Variants in SLC9A9 observed in about 807,000 individuals in gnomAD.
SLC9A9 encodes the protein solute carrier family 9 member A9, also known as sodium/hydrogen exchanger 9.
SLC9A9 carries 62 observed loss-of-function variants against 77.8 expected under a neutral mutation model. That is an observed-to-expected ratio of 0.80 (90% confidence interval 0.65 to 0.98). The LOEUF (loss-of-function observed/expected upper bound fraction) is 0.98, where lower values mean the gene tolerates loss of function less well. Among genes scored for constraint, SLC9A9 ranks in the 50% least tolerant of loss-of-function variants. The probability of loss-of-function intolerance (pLI) is 0.00; values close to 1 mark genes in which losing one functional copy is unlikely to be tolerated. For missense variants in SLC9A9, 775 were observed against 774.9 expected, an observed-to-expected ratio of 1.00 and a Z score of 0.00; for synonymous variants, 320 against 283.5, an observed-to-expected ratio of 1.13 and a Z score of -1.29.
chr3:143,316,624 C>T (rs1559864657), intron 14 of SLC9A9, among the ~76,000 whole-genome samples: 1 of 152,050 alleles, frequency 6.6e-6, no homozygotes, highest in African/African-American at 2.4e-5. Context: ...TTCTTGGCCC[C>T]ATATCAGGCA....
chr3:143,415,580 C>T (rs962808267), intron 12 of SLC9A9, among the ~76,000 whole-genome samples: 4 of 152,154 alleles, frequency 2.6e-5, no homozygotes, highest in Non-Finnish European at 1.5e-5. Context: ...ATTTTAAGCC[C>T]ACTATTGAGA....
At chr3:143,476,605 G>A (rs1052449767) in intron 11 of SLC9A9, among the ~76,000 whole-genome samples, 2 of 152,242 alleles carry the variant, frequency 1.3e-5, no homozygotes, top group Admixed American at 6.5e-5. Context: ...CTTCAACAGA[G>A]AGTTTCAGGA....
intron 4 of SLC9A9, among the ~76,000 whole-genome samples, chr3:143,715,434 C>G (rs1225359922): frequency 6.6e-6 from 1 of 152,198 alleles, no homozygotes; most frequent in East Asian, 1.9e-4. Flanking sequence ...TCAAGCATCA[C>G]TCTCTTAAGG....
intron 4 of SLC9A9, among the ~76,000 whole-genome samples, chr3:143,782,264 A>G (rs1013819046): frequency 1.3e-5 from 2 of 152,212 alleles, no homozygotes; most frequent in African/African-American, 4.8e-5. Context: ...ATCCTAAGTA[A>G]GGTATTAAAT....
intron 12 of SLC9A9, among the ~76,000 whole-genome samples, chr3:143,417,618 C>T (rs538320470): frequency 6.6e-6 from 1 of 151,854 alleles, no homozygotes; most frequent in Non-Finnish European, 1.5e-5. Flanking sequence ...CATGGAAGCA[C>T]CAAGAAAAGA....
intron 12 of SLC9A9, among the ~76,000 whole-genome samples, chr3:143,453,170 T>C (rs1281009517): frequency 6.6e-6 from 1 of 152,060 alleles, no homozygotes; most frequent in Admixed American, 6.6e-5. Flanking sequence ...CAATTTTACC[T>C]TGAATACACA....
intron 14 of SLC9A9, among the ~76,000 whole-genome samples, chr3:143,287,496 A>T (rs1025726406): frequency 6.6e-6 from 1 of 152,088 alleles, no homozygotes; most frequent in African/African-American, 2.4e-5. Flanking sequence ...ATTCTGTCTC[A>T]TTTGTATGAT....
chr3:143,635,506 A>G (rs1249001707), intron 6 of SLC9A9, among the ~76,000 whole-genome samples: 2 of 152,192 alleles, frequency 1.3e-5, no homozygotes, highest in Non-Finnish European at 2.9e-5. Context: ...TTTGTAGTTT[A>G]TGGCATTCAA....
At chr3:143,541,290 C>G (rs1444978716) in intron 9 of SLC9A9, among the ~76,000 whole-genome samples, 1 of 152,150 alleles carries the variant, frequency 6.6e-6, no homozygotes, top group Non-Finnish European at 1.5e-5. Flanking sequence ...ACCCAAGCAG[C>G]CCGATGGAGG....
At chr3:143,611,091 A>G (rs755263940) in intron 6 of SLC9A9, among the ~76,000 whole-genome samples, 1 of 152,228 alleles carries the variant, frequency 6.6e-6, no homozygotes, top group Non-Finnish European at 1.5e-5. Flanking sequence ...ATGTAAGGGC[A>G]TAGAAGGCTA....
chr3:143,636,347 C>T (rs1336710807), intron 6 of SLC9A9, among the ~76,000 whole-genome samples: 2 of 152,230 alleles, frequency 1.3e-5, no homozygotes, highest in East Asian at 3.8e-4. Context: ...GTCTGTCAAT[C>T]ATCTGTCTAG....
intron 14 of SLC9A9, among the ~76,000 whole-genome samples, chr3:143,308,087 C>G (rs926913023): frequency 2.0e-5 from 3 of 152,174 alleles, no homozygotes; most frequent in African/African-American, 7.2e-5. Context: ...GGTAGCTGAG[C>G]AGTGTGTCTG....
intron 6 of SLC9A9, among the ~76,000 whole-genome samples, chr3:143,626,575 A>C (rs1425933422): frequency 6.8e-6 from 1 of 147,126 alleles, no homozygotes; most frequent in Admixed American, 6.8e-5. Context: ...ATGAGAACAC[A>C]TGGACACAGG....
intron 14 of SLC9A9, among the ~76,000 whole-genome samples, chr3:143,279,390 T>C (rs1341709197): frequency 3.9e-5 from 6 of 152,144 alleles, no homozygotes; most frequent in Non-Finnish European, 8.8e-5. Context: ...ACTTAGAAGG[T>C]GGGTGTCTTC....
At chr3:143,682,622 T>C (rs1364792385) in intron 5 of SLC9A9, among the ~76,000 whole-genome samples, 3 of 152,304 alleles carry the variant, frequency 2.0e-5, no homozygotes, top group Non-Finnish European at 4.4e-5. Context: ...TATTTCTGTA[T>C]ATTAGAAGTT....
intron 3 of SLC9A9, 87 bp from the exon 4 acceptor site, chr3:143,795,164 A>C: frequency 7.8e-7 from 1 of 1,284,822 alleles, no homozygotes; most frequent in South Asian, 1.3e-5. Flanking sequence ...TGCAGTTCAC[A>C]GACCCCTCAC....
intron 9 of SLC9A9, among the ~76,000 whole-genome samples, chr3:143,542,944 T>C (rs894477330): frequency 2.0e-5 from 3 of 152,226 alleles, no homozygotes; most frequent in Non-Finnish European, 4.4e-5. Flanking sequence ...AGATGTTACA[T>C]ATGTACAGAG....
intron 14 of SLC9A9, among the ~76,000 whole-genome samples, chr3:143,292,149 A>C (rs554692897): frequency 6.6e-6 from 1 of 152,356 alleles, no homozygotes; most frequent in Admixed American, 6.5e-5. Context: ...ACAGAGCCAG[A>C]GGCCTTACAT....
chr3:143,790,454 G>T (rs2008186086), intron 4 of SLC9A9, among the ~76,000 whole-genome samples: 1 of 152,166 alleles, frequency 6.6e-6, no homozygotes, highest in Non-Finnish European at 1.5e-5. Context: ...AATGATAAAT[G>T]TAAGAATCTG....
Sources: gnomAD v4.1 joint callset for allele counts (sites outside exome capture counted in the v4.1 genomes callset) on GRCh38, gnomAD v4.1.1 for gene constraint, MANE v1.5 for transcripts, NCBI Gene and HGNC (gene_info 2026-07-23, HGNC 2026-07-21) for gene names.